PVT1: variants seen among roughly 807,000 people sequenced by gnomAD.
PVT1 encodes the protein CXCR4/PVT1 fusion.
chr8:127,921,587 G>A (rs2129866609), intron 3 of PVT1, among the ~76,000 whole-genome samples: 1 of 152,180 alleles, frequency 6.6e-6, no homozygotes, highest in Non-Finnish European at 1.5e-5. Flanking sequence ...CGAGGAGGGA[G>A]GATCATTTGA....
At chr8:127,927,408 G>A (rs1200998037) in intron 3 of PVT1, among the ~76,000 whole-genome samples, 1 of 152,068 alleles carries the variant, frequency 6.6e-6, no homozygotes, top group Admixed American at 6.5e-5. Context: ...CTTTCCTCCT[G>A]GGTTGCTCTT....
chr8:127,960,697 T>C, intron 3 of PVT1: 1 of 521,688 alleles, frequency 1.9e-6, no homozygotes, highest in Non-Finnish European at 3.9e-6. Flanking sequence ...GGAGTCTGTC[T>C]CCATTTTTCA....
At chr8:127,984,873 CTTTCTTTCTTTCTTTCTTTCTT>C (rs1189176531) in intron 3 of PVT1, among the ~76,000 whole-genome samples, 12 of 83,162 alleles carry the variant, frequency 1.4e-4, no homozygotes, top group Middle Eastern at 0.012. Flanking sequence ...TTCTTTCTTT[CTTTCTTTCTTTCTTTCTTTCTT>C]TCTTTCTTTC....
intron 4 of PVT1, among the ~76,000 whole-genome samples, chr8:128,043,789 CACACACACACACACAT>C (rs1005883833): frequency 6.7e-6 from 1 of 149,782 alleles, no homozygotes; most frequent in Non-Finnish European, 1.5e-5. Context: ...CACACACACA[CACACACACACACACAT>C]ACACAAGGAG....
chr8:127,988,822 T>A (rs888491869), intron 3 of PVT1, among the ~76,000 whole-genome samples: 8 of 152,146 alleles, frequency 5.3e-5, no homozygotes, highest in Admixed American at 2.0e-4. Context: ...AGAAGGTGAA[T>A]GAAAATGCTC....
chr8:127,830,671 C>T (rs1405786005), intron 2 of PVT1, among the ~76,000 whole-genome samples: 1 of 151,844 alleles, frequency 6.6e-6, no homozygotes, highest in African/African-American at 2.4e-5. Context: ...TACTGAGTGT[C>T]AACTTGATTG....
chr8:127,823,975 T>C (rs1814760512), intron 2 of PVT1, among the ~76,000 whole-genome samples: 1 of 152,178 alleles, frequency 6.6e-6, no homozygotes, highest in Non-Finnish European at 1.5e-5. Context: ...GGAGGATCTC[T>C]TGAGCCCAGG....
chr8:128,041,305 T>C (rs937304440), intron 4 of PVT1, among the ~76,000 whole-genome samples: 2 of 93,684 alleles, frequency 2.1e-5, no homozygotes, highest in Non-Finnish European at 4.9e-5. Context: ...TGTGTTGTGC[T>C]CATGTTTGTG....
chr8:127,950,896 G>A (rs192677719), intron 3 of PVT1, among the ~76,000 whole-genome samples: 2 of 152,306 alleles, frequency 1.3e-5, no homozygotes, highest in East Asian at 3.9e-4. Flanking sequence ...GCAAGCCACT[G>A]TCTTTTCTTT....
chr8:127,837,613 A>G (rs1048092795), intron 2 of PVT1, among the ~76,000 whole-genome samples: 1 of 152,122 alleles, frequency 6.6e-6, no homozygotes, highest in Non-Finnish European at 1.5e-5. Context: ...AGGAACTAAT[A>G]TTGATTGAGG....
intron 2 of PVT1, among the ~76,000 whole-genome samples, chr8:127,887,053 G>C (rs964720802): frequency 3.9e-5 from 6 of 152,132 alleles, no homozygotes; most frequent in Non-Finnish European, 8.8e-5. Context: ...TAGTTCTTTT[G>C]GCTTTAACTG....
chr8:127,872,211 C>T (rs540840219), intron 2 of PVT1, among the ~76,000 whole-genome samples: 67 of 152,306 alleles, frequency 4.4e-4, no homozygotes, highest in African/African-American at 9.6e-4. Flanking sequence ...GTCAGGAGTT[C>T]AAGACCAGCC....
intron 4 of PVT1, among the ~76,000 whole-genome samples, chr8:128,067,363 T>C (rs1273818002): frequency 6.6e-6 from 1 of 152,054 alleles, no homozygotes; most frequent in African/African-American, 2.4e-5. Flanking sequence ...CTAATGGGCA[T>C]TGTCCAGCCC....
intron 4 of PVT1, among the ~76,000 whole-genome samples, chr8:128,060,771 C>T (rs954732950): frequency 6.6e-6 from 1 of 152,192 alleles, no homozygotes; most frequent in Non-Finnish European, 1.5e-5. Flanking sequence ...TTTCTTTAAA[C>T]AGCTTTGTTA....
Position 128,090,485 on chromosome 8 carries a change from C to T in PVT1, n.1115-6033C>T, listed in dbSNP as rs191649429. Among the ~76,000 whole-genome samples the T allele has an allele frequency of 1.0e-3, 159 of 152,166 alleles. 1 individual carries two copies. The highest frequency in any genetic ancestry group is 3.4e-3 in the Middle Eastern group (1 of 294). On this transcript the variant is annotated intron_variant and non_coding_transcript_variant, in intron 5 of 10. Coordinates refer to ENST00000651587, the Ensembl canonical transcript of PVT1. ...GATGGGGGGCTAAGTCCTCAGAGAA[C>T]GTGTTTCTTAGGGAGCCTTTTGTCA...
intron 4 of PVT1, among the ~76,000 whole-genome samples, chr8:128,069,635 C>T (rs1813957668): frequency 6.6e-6 from 1 of 152,094 alleles, no homozygotes; most frequent in Non-Finnish European, 1.5e-5. Context: ...CCAGGAAGCC[C>T]CTGCTACGTT....
rs191570056 is a variant in PVT1, at chr8:127,830,178, A to T, written n.372+34107A>T. 3.0e-3 allele frequency among the ~76,000 whole-genome samples: 460 copies of T among 152,352 alleles called. 1 individual carries two copies. Among genetic ancestry groups the T allele is most frequent in the African/African-American group, 0.011 (444 of 41,582 alleles). ...CTTGGGAGCAATCAACCCAGTACAG[A>T]TGTCTGGCATTTTATTGCAGACAAC... On this transcript the variant is annotated intron_variant and non_coding_transcript_variant, in intron 2 of 10. Transcript: ENST00000651587.
At chr8:127,915,361 G>A (rs1815970587) in intron 3 of PVT1, among the ~76,000 whole-genome samples, 1 of 151,720 alleles carries the variant, frequency 6.6e-6, no homozygotes, top group African/African-American at 2.4e-5. Flanking sequence ...TGTAATCCCA[G>A]CACTTTGGGA....
chr8:128,023,217 T>G (rs188245553), intron 4 of PVT1, among the ~76,000 whole-genome samples: 21 of 152,258 alleles, frequency 1.4e-4, no homozygotes, highest in Admixed American at 7.2e-4. Flanking sequence ...TGAATCTCTT[T>G]TATCACCATG....
Sources: gnomAD v4.1 joint callset for allele counts (sites outside exome capture counted in the v4.1 genomes callset) on GRCh38, gnomAD v4.1.1 for gene constraint, MANE v1.5 for transcripts, NCBI Gene and HGNC (gene_info 2026-07-23, HGNC 2026-07-21) for gene names.